KHDRBS2: variants seen among roughly 807,000 people sequenced by gnomAD.
The protein encoded by KHDRBS2 is KH RNA binding domain containing, signal transduction associated 2, also known as KH domain-containing, RNA-binding, signal transduction-associated protein 2.
In KHDRBS2, 26 loss-of-function variants were observed where a neutral mutation model predicts 44.3. That is an observed-to-expected ratio of 0.59 (90% CI 0.43 to 0.81). KHDRBS2 has a LOEUF of 0.81. Among genes scored for constraint, KHDRBS2 ranks in the 40% least tolerant of loss-of-function variants. KHDRBS2 has a pLI of 0.00. For missense variants in KHDRBS2, 476 were observed against 433.1 expected (o/e 1.10, Z -0.88); for synonymous variants, 194 against 151.1 (o/e 1.28, Z -2.08).
chr6:61,589,126 C>T, the KHDRBS2 span, among the ~76,000 whole-genome samples: 124 of 152,094 alleles, frequency 8.2e-4, no homozygotes, highest in African/African-American at 2.8e-3. Flanking sequence ...CTAATGCATG[C>T]AGGACATAAA....
chr6:62,042,056 C>T (rs1266243985), intron 3 of KHDRBS2, among the ~76,000 whole-genome samples: 1 of 152,008 alleles, frequency 6.6e-6, no homozygotes, highest in Non-Finnish European at 1.5e-5. Flanking sequence ...ATAACACATA[C>T]TGAAATAATC....
chr6:61,545,336 C>T, the KHDRBS2 span, among the ~76,000 whole-genome samples: 1 of 151,994 alleles, frequency 6.6e-6, no homozygotes, highest in Non-Finnish European at 1.5e-5. Flanking sequence ...TCCCCAGTTG[C>T]TTCTTCCTTT....
At chr6:62,038,420 A>T (rs1405943671) in intron 3 of KHDRBS2, among the ~76,000 whole-genome samples, 1 of 151,928 alleles carries the variant, frequency 6.6e-6, no homozygotes, top group African/African-American at 2.4e-5. Context: ...GATTGTGAAG[A>T]GCCCAAATAA....
At chr6:61,590,055 C>T in the KHDRBS2 span, among the ~76,000 whole-genome samples, 93,622 of 151,976 alleles carry the variant, frequency 0.62, 29,066 homozygotes, top group Non-Finnish European at 0.65. Context: ...AAAAAAATAG[C>T]AGCCAAATAG....
At chr6:62,137,036 T>C (rs529071929) in intron 2 of KHDRBS2, among the ~76,000 whole-genome samples, 1 of 146,676 alleles carries the variant, frequency 6.8e-6, no homozygotes, top group African/African-American at 2.5e-5. Context: ...AGTCTCCCTC[T>C]TTTGCCCAGG....
intron 2 of KHDRBS2, among the ~76,000 whole-genome samples, chr6:62,092,542 G>A (rs574690292): frequency 6.6e-6 from 1 of 152,170 alleles, no homozygotes; most frequent in African/African-American, 2.4e-5. Flanking sequence ...TTCTGCCCGT[G>A]GGCAAAATGG....
At chr6:62,056,286 A>C (rs1790277076) in intron 2 of KHDRBS2, among the ~76,000 whole-genome samples, 1 of 151,528 alleles carries the variant, frequency 6.6e-6, no homozygotes, top group African/African-American at 2.4e-5. Context: ...CCTAGAAATA[A>C]ATTTTTGATT....
chr6:61,545,501 C>CTGTG, the KHDRBS2 span, among the ~76,000 whole-genome samples: 8,700 of 148,324 alleles, frequency 0.059, 363 homozygotes, highest in African/African-American at 0.12. Context: ...TAGCTAATCT[C>CTGTG]TGTGTGTGTG....
chr6:61,560,771 T>A, the KHDRBS2 span, among the ~76,000 whole-genome samples: 2 of 152,190 alleles, frequency 1.3e-5, no homozygotes, highest in Non-Finnish European at 2.9e-5. Context: ...TTGAATTCTC[T>A]TTCTGAAAGG....
chr6:61,647,096 G>A, the KHDRBS2 span, among the ~76,000 whole-genome samples: 2 of 150,730 alleles, frequency 1.3e-5, no homozygotes, highest in Non-Finnish European at 3.0e-5. Context: ...TGGGATGACA[G>A]GTGTGAGCCA....
At chr6:61,739,468 C>T (rs1775846069) in intron 6 of KHDRBS2, among the ~76,000 whole-genome samples, 1 of 151,684 alleles carries the variant, frequency 6.6e-6, no homozygotes. Context: ...GTTCCATTTA[C>T]AATGTAAAGG....
intron 4 of KHDRBS2, among the ~76,000 whole-genome samples, chr6:61,936,673 G>A (rs1474153372): frequency 2.6e-5 from 4 of 151,812 alleles, no homozygotes; most frequent in African/African-American, 4.8e-5. Context: ...CTTGTTTATA[G>A]GTTTGAAAAA....
Position 61,745,319 on chromosome 6 carries a change from C to T in KHDRBS2, c.811-12555G>A, listed in dbSNP as rs77478848. Among the ~76,000 whole-genome samples the T allele has an allele frequency of 2.3e-3, 357 of 152,190 alleles. 11 individuals carry two copies. In the East Asian group the frequency reaches 0.058, roughly 25 times the overall value. Reference sequence around the variant, plus strand: ...TATTCGGTTGTCAGTAGGTTTCCTTCGACTCCCATTTTTTAAAATGCTTTT... The same window carrying T: ...TATTCGGTTGTCAGTAGGTTTCCTTTGACTCCCATTTTTTAAAATGCTTTT... On this transcript the variant is annotated intron_variant, in intron 6 of 8. Coordinates refer to ENST00000281156, the MANE Select transcript of KHDRBS2 (RefSeq NM_152688.4).
chr6:62,067,433 G>A (rs1258577204), intron 2 of KHDRBS2, among the ~76,000 whole-genome samples: 2 of 151,494 alleles, frequency 1.3e-5, no homozygotes, highest in Admixed American at 6.6e-5. Flanking sequence ...GAGCTCTGCT[G>A]ATAAATTTAA....
At chr6:62,176,689 T>C (rs1244700183) in intron 2 of KHDRBS2, among the ~76,000 whole-genome samples, 2 of 151,240 alleles carry the variant, frequency 1.3e-5, no homozygotes, top group East Asian at 1.9e-4. Flanking sequence ...AAGAATGATA[T>C]CATAATTATT....
At chr6:61,648,154 T>C in the KHDRBS2 span, among the ~76,000 whole-genome samples, 2 of 152,052 alleles carry the variant, frequency 1.3e-5, no homozygotes, top group Non-Finnish European at 2.9e-5. Context: ...ATTAATATAA[T>C]AATATTATAA....
At chr6:61,789,290 A>C (rs557941126) in intron 6 of KHDRBS2, among the ~76,000 whole-genome samples, 1 of 151,664 alleles carries the variant, frequency 6.6e-6, no homozygotes, top group South Asian at 2.1e-4. Flanking sequence ...TTGAGTATTT[A>C]AAATAGAAAG....
chr6:62,139,403 A>G (rs1218646102), intron 2 of KHDRBS2, among the ~76,000 whole-genome samples: 1 of 151,954 alleles, frequency 6.6e-6, no homozygotes, highest in Admixed American at 6.6e-5. Context: ...ATACAAAAAA[A>G]TTAGCCGGGC....
chr6:61,777,398 G>A (rs549035961), intron 6 of KHDRBS2, among the ~76,000 whole-genome samples: 8 of 152,260 alleles, frequency 5.3e-5, no homozygotes, highest in Non-Finnish European at 1.2e-4. Context: ...AGTTTGCCAT[G>A]CTGTGTTGTC....
Sources: gnomAD v4.1 joint callset for allele counts (sites outside exome capture counted in the v4.1 genomes callset) on GRCh38, gnomAD v4.1.1 for gene constraint, MANE v1.5 for transcripts, NCBI Gene and HGNC (gene_info 2026-07-23, HGNC 2026-07-21) for gene names.